Variants in COL23A1 observed in about 807,000 individuals in gnomAD.
COL23A1 encodes collagen type XXIII alpha 1 chain, also known as collagen alpha-1(XXIII) chain.
COL23A1 carries 97 observed loss-of-function variants against 99.3 expected under a neutral mutation model. The ratio of observed to expected loss-of-function variants is 0.98; its 90% CI spans 0.83 to 1.16. The LOEUF (loss-of-function observed/expected upper bound fraction) is 1.16. COL23A1 is among the 50% of genes most tolerant of loss of function. The pLI is 0.00. For missense variants in COL23A1, 762 were observed against 757.4 expected, an observed-to-expected ratio of 1.01 and a Z score of -0.07; for synonymous variants, 320 against 308.2, an observed-to-expected ratio of 1.04 and a Z score of -0.40.
At position 178,306,811 on chromosome 5, in the gene COL23A1, C is replaced by A; in HGVS notation, c.406+64G>T. On this transcript the variant is annotated intron_variant, in intron 3 of 28. Transcript: ENST00000390654. This position sits in a 1 kb window ranked among gnomAD's most constrained non-coding sequence, Gnocchi z 4.1. ...GCAGCAGGTGGCCAGGCCCTGCAGT[C>A]AGAGCCTGGGGCCATGGTGGCTTCC... 2 of 1,283,882 alleles carry A rather than the reference C, an allele frequency of 1.6e-6. No individual in the cohort carries two copies. Among genetic ancestry groups the A allele is most frequent in the South Asian group, 3.5e-5 (2 of 57,542 alleles). 79.5% of individuals were successfully genotyped at this position (1,283,882 alleles called of 1,614,324 possible).
At chr5:178,270,948 C>T (rs1244608375) in intron 5 of COL23A1, among the ~76,000 whole-genome samples, 2 of 152,238 alleles carry the variant, frequency 1.3e-5, no homozygotes, top group Admixed American at 1.3e-4. Context: ...GAATTGAGCT[C>T]CTGTCATTTG....
chr5:178,498,737 T>C (rs1758367841), intron 2 of COL23A1, among the ~76,000 whole-genome samples: 1 of 152,114 alleles, frequency 6.6e-6, no homozygotes, highest in Non-Finnish European at 1.5e-5. Context: ...GATTAAAAAA[T>C]CCAACTATGT....
chr5:178,262,403 T>C, intron 9 of COL23A1, 151 bp from the exon 10 acceptor site: 1 of 706,136 alleles, frequency 1.4e-6, no homozygotes, highest in Non-Finnish European at 2.4e-6. Context: ...CTGTCCCCAC[T>C]CCACAGATGA....
chr5:178,459,443 C>T (rs544109287), intron 2 of COL23A1, among the ~76,000 whole-genome samples: 8 of 152,218 alleles, frequency 5.3e-5, no homozygotes, highest in African/African-American at 1.7e-4. Context: ...ATTCTACTTT[C>T]GTACAGTGTT....
intron 2 of COL23A1, among the ~76,000 whole-genome samples, chr5:178,414,987 C>G (rs947745432): frequency 6.6e-6 from 1 of 152,100 alleles, no homozygotes; most frequent in Admixed American, 6.6e-5. Context: ...GAAAGGAGAG[C>G]CAGAAATGGC....
At chr5:178,290,774 T>TG (rs2127586668) in intron 3 of COL23A1, among the ~76,000 whole-genome samples, 1 of 152,196 alleles carries the variant, frequency 6.6e-6, no homozygotes, top group Admixed American at 6.5e-5. Flanking sequence ...GAGAGAATAC[T>TG]GGGAGGAATG....
intron 2 of COL23A1, among the ~76,000 whole-genome samples, chr5:178,369,098 G>A (rs911343056): frequency 6.6e-6 from 1 of 152,210 alleles, no homozygotes; most frequent in African/African-American, 2.4e-5. Flanking sequence ...CTGCCCTGGG[G>A]TGGGAGGCCG....
chr5:178,578,063 GCA>G (rs951809708), intron 1 of COL23A1, among the ~76,000 whole-genome samples: 15 of 151,264 alleles, frequency 9.9e-5, no homozygotes, highest in South Asian at 4.2e-4. Flanking sequence ...ACACCCACAT[GCA>G]CACACACACT....
intron 2 of COL23A1, among the ~76,000 whole-genome samples, chr5:178,546,377 G>A (rs1017108644): frequency 3.9e-5 from 6 of 152,194 alleles, no homozygotes; most frequent in African/African-American, 1.2e-4. Context: ...TAGATAGGCA[G>A]AGGAGCTGGT....
At chr5:178,423,342 G>A (rs1039920806) in intron 2 of COL23A1, among the ~76,000 whole-genome samples, 3 of 152,094 alleles carry the variant, frequency 2.0e-5, no homozygotes, top group African/African-American at 7.2e-5. Flanking sequence ...ATACTATCTG[G>A]TAATCCTGGC....
At chr5:178,485,754 C>A (rs1316401378) in intron 2 of COL23A1, among the ~76,000 whole-genome samples, 1 of 144,856 alleles carries the variant, frequency 6.9e-6, no homozygotes, top group Non-Finnish European at 1.5e-5. Context: ...TGCACTCCAG[C>A]CTGGGTGACA....
At chr5:178,247,864 C>T (rs776278765) in intron 20 of COL23A1, 33 bp from the exon 21 acceptor site, 1 of 1,586,874 alleles carries the variant, frequency 6.3e-7, no homozygotes, top group Non-Finnish European at 8.6e-7. Flanking sequence ...TAGTCACCCA[C>T]CGCCTGTCAC....
intron 1 of COL23A1, chr5:178,562,646 T>C (rs1169819395): frequency 6.7e-6 from 1 of 148,492 alleles, no homozygotes; most frequent in African/African-American, 2.5e-5. Context: ...ACACAAAGAG[T>C]GAGCAGCAAG....
intron 2 of COL23A1, among the ~76,000 whole-genome samples, chr5:178,381,702 C>T (rs1411008854): frequency 1.3e-5 from 2 of 152,110 alleles, no homozygotes; most frequent in East Asian, 1.9e-4. Context: ...GTGGCATGAT[C>T]GTGACTCCCT....
chr5:178,501,680 C>T (rs1758543153), intron 2 of COL23A1, among the ~76,000 whole-genome samples: 1 of 152,194 alleles, frequency 6.6e-6, no homozygotes, highest in African/African-American at 2.4e-5. Context: ...CCACTCTAGT[C>T]CCTCAAGAGG....
intron 2 of COL23A1, among the ~76,000 whole-genome samples, chr5:178,424,583 C>T (rs539008256): frequency 2.6e-5 from 4 of 152,296 alleles, no homozygotes; most frequent in Admixed American, 6.5e-5. Flanking sequence ...ACACCGGCAA[C>T]GCTCAGAACT....
At chr5:178,410,419 T>C (rs1221544339) in intron 2 of COL23A1, among the ~76,000 whole-genome samples, 1 of 152,120 alleles carries the variant, frequency 6.6e-6, no homozygotes, top group Non-Finnish European at 1.5e-5. Context: ...GCCAAAATAA[T>C]CTTGAAAAAG....
intron 2 of COL23A1, among the ~76,000 whole-genome samples, chr5:178,498,085 C>T (rs1758286833): frequency 6.7e-6 from 1 of 150,344 alleles, no homozygotes; most frequent in Non-Finnish European, 1.5e-5. Flanking sequence ...TATTTATAGA[C>T]TCTGGGTGCG....
At chr5:178,385,663 A>AGCGCATCATCT (rs1561926240) in intron 2 of COL23A1, among the ~76,000 whole-genome samples, 1 of 152,204 alleles carries the variant, frequency 6.6e-6, no homozygotes. Flanking sequence ...GAGGACGTTA[A>AGCGCATCATCT]GCGCATCATC....
Sources: allele counts gnomAD v4.1 joint callset (sites outside exome capture counted in the v4.1 genomes callset), GRCh38; gene constraint gnomAD v4.1.1; non-coding constraint Gnocchi (gnomAD v3.1); transcripts MANE v1.5; gene names NCBI Gene and HGNC (gene_info 2026-07-23, HGNC 2026-07-21).